Variants in CHAF1A observed in about 807,000 individuals in gnomAD.
CHAF1A encodes CAF-1 subunit A.
In CHAF1A, 5 loss-of-function variants were observed where a neutral mutation model predicts 93.2. That is an observed-to-expected ratio of 0.05 (90% CI 0.03 to 0.11). The LOEUF (loss-of-function observed/expected upper bound fraction) is 0.11, where lower values mean the gene tolerates loss of function less well. Among genes scored for constraint, CHAF1A ranks in the 10% least tolerant of loss-of-function variants. CHAF1A has a pLI of 1.00. For synonymous variants in CHAF1A, 504 were observed against 510.3 expected, an observed-to-expected ratio of 0.99 and a Z score of 0.17; for missense variants, 1,102 against 1,259.9, an observed-to-expected ratio of 0.87 and a Z score of 1.90.
chr19:4,427,713 A>G (rs937209479), intron 7 of CHAF1A, among the ~76,000 whole-genome samples: 10 of 151,974 alleles, frequency 6.6e-5, no homozygotes, highest in African/African-American at 2.2e-4. Flanking sequence ...TCAGGCTCCC[A>G]AGTAGCTGGG....
At position 4,437,321 on chromosome 19, in the gene CHAF1A, C is replaced by T. The variant is rs1716273391; in HGVS notation, c.2673+3782C>T. 4.6e-5 allele frequency among the ~76,000 whole-genome samples: 7 copies of T among 152,094 alleles called. No homozygotes were observed. In the South Asian group the frequency reaches 1.4e-3, roughly 31 times the overall value. ...GGACCCAAAGGTGGGGCTGTGGAAG[C>T]ACATGAGCCCGGATGGGACATGTGC... On this transcript the variant is annotated intron_variant, in intron 13 of 14. Transcript: ENST00000301280.
At chr19:4,448,228 T>C (rs73541319), downstream of CHAF1A, 1,841 of 1,192,666 alleles carry the variant, frequency 1.5e-3, 20 homozygotes, top group African/African-American at 0.025. Flanking sequence ...CAGCAGGTAA[T>C]GAGGGGGCCA....
chr19:4,446,998 C>T (rs243389), downstream of CHAF1A: 782,607 of 1,421,258 alleles, frequency 0.55, 218,486 homozygotes, highest in Admixed American at 0.75. Context: ...GTCCAGGGGC[C>T]CGGCTCTCGC....
At chr19:4,414,238 A>G (rs1220798970) in intron 3 of CHAF1A, among the ~76,000 whole-genome samples, 13 of 152,022 alleles carry the variant, frequency 8.6e-5, no homozygotes, top group Admixed American at 7.9e-4. Context: ...CCGTCTGTAC[A>G]AAAAATACAA....
intron 6 of CHAF1A, 152 bp from the exon 7 acceptor site, chr19:4,423,654 T>C: frequency 1.1e-6 from 1 of 938,838 alleles, no homozygotes; most frequent in Admixed American, 2.5e-5. Flanking sequence ...GCTGGCTCAG[T>C]TGCGGGTCCG....
chr19:4,423,148 G>T (rs534565203), intron 5 of CHAF1A, among the ~76,000 whole-genome samples, 187 bp from the exon 6 acceptor site: 1 of 152,324 alleles, frequency 6.6e-6, no homozygotes, highest in East Asian at 1.9e-4. Flanking sequence ...GTCACAGGAA[G>T]AATTTTATTG....
At chr19:4,417,147 T>A (rs1007233776) in intron 3 of CHAF1A, among the ~76,000 whole-genome samples, 8 of 152,082 alleles carry the variant, frequency 5.3e-5, no homozygotes, top group Non-Finnish European at 1.2e-4. Flanking sequence ...AACTAAAAGC[T>A]TTTTTTAGAG....
chr19:4,404,070 A>C (rs564746937), intron 1 of CHAF1A, among the ~76,000 whole-genome samples: 2 of 151,400 alleles, frequency 1.3e-5, no homozygotes, highest in South Asian at 4.2e-4. Context: ...ATCCACCTGC[A>C]TTGGCCTCCC....
chr19:4,446,468 G>A (rs1219010171), downstream of CHAF1A: 17 of 1,590,618 alleles, frequency 1.1e-5, no homozygotes, highest in East Asian at 6.7e-5. Context: ...ACCCCGCCCC[G>A]CCCCACTCTG....
At position 4,423,764 on chromosome 19, in the gene CHAF1A, T is replaced by C. The variant is rs370068913; in HGVS notation, c.1309-42T>C. 1,061 of 1,591,482 alleles carry C rather than the reference T, an allele frequency of 6.7e-4. 4 individuals carry two copies. The highest frequency in any genetic ancestry group is 1.3e-3 in the South Asian group (120 of 90,598). ...CATGTTTTGCAACACATACTGTTCC[T>C]CTTCCTCTCCTCTTTCTCATCACCA... On this transcript the variant is annotated intron_variant, in intron 6 of 14. Coordinates refer to ENST00000301280, the MANE Select transcript of CHAF1A (RefSeq NM_005483.3).
chr19:4,423,771 C>G (rs370663161), intron 6 of CHAF1A, 35 bp from the exon 7 acceptor site: 368 of 1,600,976 alleles, frequency 2.3e-4, no homozygotes, highest in Non-Finnish European at 2.9e-4. Context: ...TCCTCTTCCT[C>G]TCCTCTTTCT....
At position 4,433,216 on chromosome 19, in the gene CHAF1A, C is replaced by T. The variant is rs745471288; in HGVS notation, c.2350C>T (p.Pro784Ser). The T allele has an allele frequency of 1.2e-6, 2 of 1,614,120 alleles. No individual in the cohort carries two copies. The highest frequency in any genetic ancestry group is 4.5e-5 in the East Asian group (2 of 44,880). ...RSPSTTYLHT[P>S]TPSEDAAIPS... is the part of the protein sequence containing the mutation. ...CCCCTCCACCACCTACCTGCACACC[C>T]CCACCCCCAGCGAGGATGCCGCCAT... The change falls in exon 13 of 15, where the codon CCC becomes TCC. Residue 784 changes from proline (P) to serine (S), a missense_variant. Coordinates refer to ENST00000301280, the MANE Select transcript of CHAF1A (RefSeq NM_005483.3). This position sits in a 1 kb window ranked among gnomAD's most constrained non-coding sequence, Gnocchi z 5.6.
chr19:4,445,970 T>G (rs752539913), downstream of CHAF1A: 1 of 1,523,332 alleles, frequency 6.6e-7, no homozygotes, highest in Non-Finnish European at 8.8e-7. Context: ...GGAGGCTCCC[T>G]CCTGGGGGTG....
At position 4,417,457 on chromosome 19, in the gene CHAF1A, C is replaced by CTTTTTTT. The variant is rs397768061; in HGVS notation, c.961-548_961-542dup. The stretch of plus-strand genomic sequence containing the variant: ...TCCCTGTCGCCCAGGCCAGCTGTCG[C>CTTTTTTT]TTTTTTTTTTTTTTTTTTTTTAAGA... On this transcript the variant is annotated intron_variant, in intron 3 of 14. Transcript: ENST00000301280. Among the ~76,000 whole-genome samples, 5 of 103,108 alleles carry CTTTTTTT rather than the reference C, an allele frequency of 4.8e-5. 1 individual carries two copies. Among genetic ancestry groups the CTTTTTTT allele is most frequent in the Non-Finnish European group, 7.4e-5 (4 of 54,306 alleles). 67.6% of individuals were successfully genotyped at this position (103,108 alleles called of 152,430 possible).
chr19:4,435,756 A>G (rs903555943), intron 13 of CHAF1A, among the ~76,000 whole-genome samples: 1 of 152,150 alleles, frequency 6.6e-6, no homozygotes. Context: ...CCACGATCTG[A>G]TGGAGTTACA....
intron 1 of CHAF1A, among the ~76,000 whole-genome samples, chr19:4,403,105 C>G (rs1461794846): frequency 2.0e-5 from 3 of 152,222 alleles, no homozygotes; most frequent in African/African-American, 7.2e-5. Context: ...AGAGGGGAAA[C>G]TGAGGCCCAG....
chr19:4,411,644 C>CTTTTTTTTTTTTTTTTTG (rs1973802982), intron 3 of CHAF1A, among the ~76,000 whole-genome samples: 1 of 48,204 alleles, frequency 2.1e-5, no homozygotes, highest in African/African-American at 7.9e-5. Flanking sequence ...TGGTGCAAAT[C>CTTTTTTTTTTTTTTTTTG]TTTTTTTTTT....
At chr19:4,432,349 T>C (rs2145131481) in intron 12 of CHAF1A, 142 bp downstream of exon 12, 1 of 966,664 alleles carries the variant, frequency 1.0e-6, no homozygotes, top group Middle Eastern at 3.3e-4. Flanking sequence ...TTCCTGTACA[T>C]GTCCGTACGT....
chr19:4,437,071 C>T (rs1319053448), intron 13 of CHAF1A, among the ~76,000 whole-genome samples: 1 of 152,172 alleles, frequency 6.6e-6, no homozygotes, highest in Non-Finnish European at 1.5e-5. Context: ...GCCACATGCG[C>T]GTGATTGGTG....
Sources: allele counts gnomAD v4.1 joint callset (sites outside exome capture counted in the v4.1 genomes callset), GRCh38; gene constraint gnomAD v4.1.1; non-coding constraint Gnocchi (gnomAD v3.1); transcripts MANE v1.5; gene names NCBI Gene and HGNC (gene_info 2026-07-23, HGNC 2026-07-21).